Variants in MAN2B2 observed in about 807,000 individuals in gnomAD.
The protein encoded by MAN2B2 is mannosidase alpha class 2B member 2.
MAN2B2 carries 106 observed loss-of-function variants against 117.1 expected under a neutral mutation model. The observed-to-expected ratio is 0.90, with a 90% CI of 0.77 to 1.06. MAN2B2 has a LOEUF of 1.06. Among genes scored for constraint, MAN2B2 ranks in the 50% least tolerant of loss-of-function variants. The pLI is 0.00. For missense variants in MAN2B2, 1,326 were observed against 1,381.4 expected (o/e 0.96, Z 0.64); for synonymous variants, 544 against 595.1 (o/e 0.91, Z 1.25).
rs376403539 is a variant in MAN2B2, at chr4:6,617,315, T to C, written c.2702-65T>C. 139 of 1,252,792 alleles carry C rather than the reference T, an allele frequency of 1.1e-4. No individual in the cohort carries two copies. The Middle Eastern group carries it at 1.3e-3, about 11-fold the overall frequency. 77.6% of individuals were successfully genotyped at this position (1,252,792 alleles called of 1,614,324 possible). On this transcript the variant is annotated intron_variant, in intron 16 of 18. Transcript: ENST00000285599. ...AGCTGAGTGTGTAAAGCAGCGGGTA[T>C]AGACCAGGGACATTGGGGTTGGTTG...
At chr4:6,610,266 C>T (rs1475288445) in intron 13 of MAN2B2, among the ~76,000 whole-genome samples, 2 of 152,188 alleles carry the variant, frequency 1.3e-5, no homozygotes, top group Admixed American at 1.3e-4. Flanking sequence ...AAGCGATTCT[C>T]CTGCCTCAGC....
intron 11 of MAN2B2, among the ~76,000 whole-genome samples, chr4:6,608,336 A>C (rs1727627077): frequency 6.6e-6 from 1 of 152,024 alleles, no homozygotes; most frequent in Non-Finnish European, 1.5e-5. Context: ...CCCCACCCTC[A>C]CCACAATCCC....
At chr4:6,579,158 A>C (rs1206424676) in intron 3 of MAN2B2, among the ~76,000 whole-genome samples, 3 of 80,776 alleles carry the variant, frequency 3.7e-5, no homozygotes, top group African/African-American at 1.2e-4. Context: ...CACCATCACC[A>C]TCACCACCAC....
chr4:6,612,639 C>G (rs1397316076), intron 15 of MAN2B2, among the ~76,000 whole-genome samples: 1 of 152,220 alleles, frequency 6.6e-6, no homozygotes, highest in Non-Finnish European at 1.5e-5. Flanking sequence ...AAGAGGAAAT[C>G]TGATTGGCCT....
rs376228387 is a variant in MAN2B2, at chr4:6,597,228, G to T, written c.1173G>T (p.Trp391Cys). The part of the protein sequence containing the change: ...AGESMFTRYL[W>C]PAPRGHLDPT... Reference sequence around the variant, plus strand: ...AGTCCATGTTCACACGCTACCTGTGGCCGGCCCCCCGTGGGCATCTGGACC... The same window carrying T: ...AGTCCATGTTCACACGCTACCTGTGTCCGGCCCCCCGTGGGCATCTGGACC... The change falls in exon 8 of 19, where the codon TGG becomes TGT. Residue 391 changes from tryptophan to cysteine, a missense_variant. Transcript: ENST00000285599. 7.5e-6 allele frequency: 12 copies of T among 1,606,946 alleles called. No individual in the cohort carries two copies. Among genetic ancestry groups the T allele is most frequent in the South Asian group, 1.1e-5 (1 of 90,680 alleles).
chr4:6,615,096 TAAG>T (rs996334911), intron 16 of MAN2B2, among the ~76,000 whole-genome samples: 3 of 152,126 alleles, frequency 2.0e-5, no homozygotes, highest in Non-Finnish European at 4.4e-5. Context: ...CCTGCAGAAT[TAAG>T]AATACGAGGA....
rs774544537 is a variant in MAN2B2, at chr4:6,598,360, C to T, written c.1405+6C>T. On this transcript the variant is annotated splice_donor_region_variant and intron_variant, in intron 9 of 18. Coordinates refer to ENST00000285599, the MANE Select transcript of MAN2B2 (RefSeq NM_015274.3). ...ACCCATGGCGGCCAGCTCCGGTGAG[C>T]AGGGCCCTGCAGGGAGGCTGTGGCC... is the stretch of plus-strand genomic sequence containing the variant. The T allele has an allele frequency of 6.2e-7, 1 of 1,606,948 alleles. No individual in the cohort carries two copies. Among genetic ancestry groups the T allele is most frequent in the Non-Finnish European group, 8.5e-7 (1 of 1,175,512 alleles).
chr4:6,576,519 G>A, intron 1 of MAN2B2, 59 bp from the exon 2 acceptor site: 2 of 1,586,402 alleles, frequency 1.3e-6, no homozygotes, highest in Non-Finnish European at 1.7e-6. Flanking sequence ...AATGGCAGGG[G>A]CCCCAGGGAC....
At chr4:6,588,090 AACCTTATGGG>A (rs1443580192) in intron 4 of MAN2B2, among the ~76,000 whole-genome samples, 1 of 152,098 alleles carries the variant, frequency 6.6e-6, no homozygotes, top group Non-Finnish European at 1.5e-5. Flanking sequence ...CCCTCACAGC[AACCTTATGGG>A]ACGGTGTCAT....
chr4:6,579,337 CCA>C (rs1560635119), intron 3 of MAN2B2, among the ~76,000 whole-genome samples: 10 of 83,188 alleles, frequency 1.2e-4, no homozygotes, highest in South Asian at 5.1e-4. Flanking sequence ...ACCACCACCA[CCA>C]CCATCACCAT....
At chr4:6,609,629 A>G in intron 12 of MAN2B2, 169 bp from the exon 13 acceptor site, 6 of 840,120 alleles carry the variant, frequency 7.1e-6, no homozygotes, top group South Asian at 1.7e-5. Flanking sequence ...GGCTGCTCCC[A>G]GCCGCTCGGG....
At chr4:6,606,801 T>C (rs2108751918) in intron 11 of MAN2B2, among the ~76,000 whole-genome samples, 1 of 152,238 alleles carries the variant, frequency 6.6e-6, no homozygotes, top group East Asian at 1.9e-4. Flanking sequence ...TCGAAGGGCA[T>C]AGGGGAGGTT....
At chr4:6,596,178 G>A (rs566138225) in intron 7 of MAN2B2, among the ~76,000 whole-genome samples, 1 of 144,656 alleles carries the variant, frequency 6.9e-6, no homozygotes, top group Non-Finnish European at 1.5e-5. Flanking sequence ...GCGGGTGTGG[G>A]TGGGCGTGGC....
intron 8 of MAN2B2, among the ~76,000 whole-genome samples, chr4:6,597,915 A>G (rs1307254458): frequency 1.3e-5 from 2 of 152,234 alleles, no homozygotes; most frequent in East Asian, 1.9e-4. Context: ...CTGGCAGAAC[A>G]TGTCATTATG....
chr4:6,600,015 A>G (rs4334820), intron 9 of MAN2B2, among the ~76,000 whole-genome samples: 74,677 of 152,104 alleles, frequency 0.49, 18,591 homozygotes, highest in East Asian at 0.64. Context: ...AAGTGTCCCC[A>G]GCAGAGGGAA....
At chr4:6,617,628 T>C in intron 17 of MAN2B2, 136 bp downstream of exon 17, 11 of 1,505,644 alleles carry the variant, frequency 7.3e-6, no homozygotes, top group Non-Finnish European at 9.8e-6. Context: ...CACCCCGCCC[T>C]TCTTCATGGT....
chr4:6,579,801 C>CA (rs1726359429), intron 3 of MAN2B2, among the ~76,000 whole-genome samples: 1 of 152,276 alleles, frequency 6.6e-6, no homozygotes, highest in Non-Finnish European at 1.5e-5. Flanking sequence ...CCATCACCCA[C>CA]AGTGCCGTGG....
At chr4:6,591,716 C>T (rs940775781) in intron 5 of MAN2B2, among the ~76,000 whole-genome samples, 10 of 152,182 alleles carry the variant, frequency 6.6e-5, no homozygotes, top group African/African-American at 2.4e-4. Context: ...CCTCGCTGTA[C>T]ACCTTCTTCC....
In MAN2B2 at chr4:6,575,269, G is replaced by A. The variant is rs1289537910; in HGVS notation, c.59G>A (p.Gly20Glu). The A allele has an allele frequency of 3.9e-6, 6 of 1,554,626 alleles. No individual in the cohort carries two copies. Among genetic ancestry groups the A allele is most frequent in the Non-Finnish European group, 5.2e-6 (6 of 1,155,694 alleles). Reference protein sequence around the residue: ...LAPLLLLRPPGVQSAGPIRAF... With the variant: ...LAPLLLLRPPEVQSAGPIRAF... ...CCGCTCCTGTTGCTGCGACCGCCAG[G>A]GGTCCAGTCCGCCGGCCCCATCCGG... is the stretch of plus-strand genomic sequence containing the variant. The change falls in exon 1 of 19, where the codon GGG (glycine) becomes GAG (glutamate). Residue 20 changes from glycine (G) to glutamate (E), a missense_variant. Transcript: ENST00000285599.
Sources: gnomAD v4.1 joint callset for allele counts (sites outside exome capture counted in the v4.1 genomes callset) on GRCh38, gnomAD v4.1.1 for gene constraint, MANE v1.5 for transcripts, NCBI Gene and HGNC (gene_info 2026-07-23, HGNC 2026-07-21) for gene names.